Variants in ADGRL1 observed in about 807,000 individuals in gnomAD.
ADGRL1 encodes CIRL-1.
A neutral mutation model predicts 148.9 loss-of-function variants in ADGRL1; 31 were observed. That is an observed-to-expected ratio of 0.21 (90% CI 0.16 to 0.28). The LOEUF (loss-of-function observed/expected upper bound fraction) is 0.28, where lower values mean the gene tolerates loss of function less well. Ranked by LOEUF, ADGRL1 falls within the 10% of genes least tolerant of loss-of-function variation. ADGRL1 has a pLI of 1.00. For missense variants in ADGRL1, 1,521 were observed against 2,058.8 expected (o/e 0.74, Z 5.05); for synonymous variants, 937 against 900.3 (o/e 1.04, Z -0.73).
intron 1 of ADGRL1, among the ~76,000 whole-genome samples, chr19:14,204,746 CAGAG>C (rs3837936): frequency 8.3e-4 from 120 of 143,894 alleles, no homozygotes; most frequent in Admixed American, 2.1e-3. Flanking sequence ...GAGAGACAGA[CAGAG>C]AGAGAGAGAG....
rs1450779666 is a variant in ADGRL1 at position 14,184,645 on chromosome 19, TA to T, written c.-95-949del. ...TTATTTATTTATTTATTTATTTATT[TA>T]TTTTTTTTTCTGAGACGGAGTCGTG... On this transcript the variant is annotated intron_variant, in intron 1 of 22. Transcript: ENST00000361434. 7.2e-3 allele frequency among the ~76,000 whole-genome samples: 923 copies of T among 128,264 alleles called. 29 individuals carry two copies. Among genetic ancestry groups the T allele is most frequent in the African/African-American group, 0.031 (857 of 28,078 alleles). 84.1% of individuals were successfully genotyped at this position (128,264 alleles called of 152,430 possible). A position where few individuals can be genotyped will look rare whatever the true frequency, so the allele number is the denominator to read the frequency against.
intron 1 of ADGRL1, 43 bp from the exon 2 acceptor site, chr19:14,183,740 G>A: frequency 1.4e-6 from 1 of 723,338 alleles, no homozygotes; most frequent in Non-Finnish European, 2.2e-6. Flanking sequence ...AGGGCCTCCA[G>A]GCCGCTCCCC....
intron 1 of ADGRL1, among the ~76,000 whole-genome samples, 156 bp downstream of exon 1, chr19:14,205,829 C>T (rs1406528418): frequency 6.6e-6 from 1 of 151,640 alleles, no homozygotes; most frequent in Non-Finnish European, 1.5e-5. Context: ...CCCTCCCGCT[C>T]AGGTGCGGTG....
At chr19:14,186,426 C>G (rs1486044204) in intron 1 of ADGRL1, among the ~76,000 whole-genome samples, 1 of 152,166 alleles carries the variant, frequency 6.6e-6, no homozygotes, top group African/African-American at 2.4e-5. Context: ...TTGAATGAAT[C>G]TCAGATCCCA....
chr19:14,193,688 G>C, intron 1 of ADGRL1, among the ~76,000 whole-genome samples: 1 of 152,278 alleles, frequency 6.6e-6, no homozygotes, highest in African/African-American at 2.4e-5. Flanking sequence ...GTTAAAATGA[G>C]GTCATTAGTG....
chr19:14,193,271 C>CAAAAAAAAA (rs34844517), intron 1 of ADGRL1, among the ~76,000 whole-genome samples: 1 of 48,624 alleles, frequency 2.1e-5, no homozygotes, highest in African/African-American at 9.3e-5. Context: ...CCCCCACCGC[C>CAAAAAAAAA]AAAAAAAAAA....
In ADGRL1 at chr19:14,155,716, G is replaced by C; in HGVS notation, c.3126-189C>G. The C allele has an allele frequency of 1.7e-6, 1 of 604,332 alleles. No homozygotes were observed. Among genetic ancestry groups the C allele is most frequent in the Non-Finnish European group, 2.9e-6 (1 of 342,184 alleles). 37.4% of individuals were successfully genotyped at this position (604,332 alleles called of 1,614,324 possible). On this transcript the variant is annotated intron_variant, in intron 17 of 22. Transcript: ENST00000361434. The surrounding 1 kb of genome is among the most constrained non-coding windows in gnomAD (Gnocchi z 5.0). ...CACCTCCACCGGAGCCTGGGCCTGA[G>C]GGAAAGGTACTGGGTCAGGGGTCGG...
chr19:14,155,653 G>A lies in ADGRL1; in HGVS notation c.3126-126C>T, dbSNP rs985430461. ...GGGCACTGTCTGCAAAGCCCTGAGC[G>A]GGCCGAGTGGGCCTTGGGGGCAGTG... On this transcript the variant is annotated intron_variant, in intron 17 of 22. Transcript: ENST00000361434. This position sits in a 1 kb window ranked among gnomAD's most constrained non-coding sequence, Gnocchi z 5.0. 21 of 906,348 alleles carry A rather than the reference G, an allele frequency of 2.3e-5. No homozygotes were observed. The highest frequency in any genetic ancestry group is 8.0e-5 in the Admixed American group (3 of 37,360). The allele number at this position is 906,348 out of a possible 1,614,324, so 56.1% of individuals were successfully genotyped here. A position where few individuals can be genotyped will look rare whatever the true frequency, so the allele number is the denominator to read the frequency against.
intron 1 of ADGRL1, among the ~76,000 whole-genome samples, chr19:14,185,352 G>A (rs1971515911): frequency 6.6e-6 from 1 of 152,064 alleles, no homozygotes; most frequent in African/African-American, 2.4e-5. Context: ...GGAGTACAGT[G>A]GCACAATGAC....
chr19:14,191,563 A>C (rs1480404005), intron 1 of ADGRL1: 2 of 410,890 alleles, frequency 4.9e-6, no homozygotes, highest in African/African-American at 4.1e-5. Flanking sequence ...CTAGTTCTGG[A>C]GGCCAGAAGG....
chr19:14,163,124 C>A lies in ADGRL1; in HGVS notation c.677G>T (p.Arg226Leu). 1 of 1,614,016 alleles carries A rather than the reference C, an allele frequency of 6.2e-7. No homozygotes were observed. The highest frequency in any genetic ancestry group is 8.5e-7 in the Non-Finnish European group (1 of 1,180,020). ...GAVFYNKERT[R>L]NIVKYDLRTR... ...CCGTAGGTCATACTTGACGATGTTG[C>A]GCGTGCGCTCCTTGTTGTAGAAGAC... The change falls in exon 5 of 23, where the codon CGC becomes CTC. Residue 226 changes from arginine (R) to leucine (L), a missense_variant. By Grantham distance (102) the Arg-to-Leu change is moderately radical. This residue lies in a region of ADGRL1 where 334 missense variants were observed against 512.5 expected (regional missense o/e 0.65). Transcript: ENST00000361434.
At chr19:14,154,228 A>G (rs561352930) in intron 18 of ADGRL1, among the ~76,000 whole-genome samples, 1 of 152,272 alleles carries the variant, frequency 6.6e-6, no homozygotes, top group South Asian at 2.1e-4. Context: ...GAGCAGGGAC[A>G]CAGGCCACCT....
rs375913353 is a variant in ADGRL1 at position 14,161,440 on chromosome 19, C to A, written c.1382G>T (p.Arg461Leu). 6.8e-7 allele frequency: 1 copy of A among 1,479,094 alleles called. No individual in the cohort carries two copies. Among genetic ancestry groups the A allele is most frequent in the African/African-American group, 1.5e-5 (1 of 66,752 alleles). The allele number at this position is 1,479,094 out of a possible 1,614,324, so 91.6% of individuals were successfully genotyped here. The change falls in exon 6 of 23, where the codon CGG (arginine) becomes CTG (leucine). Residue 461 changes from arginine (R) to leucine (L), a missense_variant. Coordinates refer to ENST00000361434, the MANE Select transcript of ADGRL1 (RefSeq NM_014921.5). The surrounding 1 kb of genome is among the most constrained non-coding windows in gnomAD (Gnocchi z 4.4). ...PATAPVPSTR[R>L]PPAPNLHVSP... is the part of the protein sequence containing the mutation. ...CACGTGTAGATTCGGGGCTGGGGGC[C>A]GCCGGGTGCTGGGGACTGGGGCTGT...
In ADGRL1 at chr19:14,183,540, G is replaced by A. The variant is rs1230173683; in HGVS notation, c.63C>T (p.Ala21=). The part of the protein sequence containing the change: ...LCVTAVLVTS[A]TQGLSRAGLP... ...GGCCCCAGCAGCACCTACCTTGGGT[G>A]GCCGAGGTGACCAGGACGGCGGTGA... is the stretch of plus-strand genomic sequence containing the variant. The change falls in exon 2 of 23, where the codon GCC becomes GCT. Residue 21 remains alanine (A), a synonymous_variant. Transcript: ENST00000361434. 1 of 1,576,124 alleles carries A rather than the reference G, an allele frequency of 6.3e-7. No homozygotes were observed. Among genetic ancestry groups the A allele is most frequent in the Non-Finnish European group, 8.6e-7 (1 of 1,160,510 alleles).
In ADGRL1 at chr19:14,155,340, G is replaced by A. The variant is rs201323055; in HGVS notation, c.3294+19C>T. 3.7e-6 allele frequency: 6 copies of A among 1,611,672 alleles called. No homozygotes were observed. Among genetic ancestry groups the A allele is most frequent in the Non-Finnish European group, 5.1e-6 (6 of 1,178,500 alleles). ...GTCTCCAAGGGAGGCTGTGACCCAG[G>A]ACCCCGCCTCGACCTCACCTTCTTC... On this transcript the variant is annotated intron_variant, in intron 18 of 22. Coordinates refer to ENST00000361434, the MANE Select transcript of ADGRL1 (RefSeq NM_014921.5). This position sits in a 1 kb window ranked among gnomAD's most constrained non-coding sequence, Gnocchi z 5.0.
chr19:14,193,192 C>G (rs1358134374), intron 1 of ADGRL1, among the ~76,000 whole-genome samples: 1 of 151,530 alleles, frequency 6.6e-6, no homozygotes, highest in African/African-American at 2.4e-5. Flanking sequence ...TGGTGGGTGT[C>G]CCCCGGGAGA....
At chr19:14,184,765 G>A (rs1041890231) in intron 1 of ADGRL1, among the ~76,000 whole-genome samples, 1 of 151,302 alleles carries the variant, frequency 6.6e-6, no homozygotes, top group Admixed American at 6.6e-5. Flanking sequence ...TCAGCCTCCC[G>A]AGTAGCTGGG....
chr19:14,204,713 T>TGAGAGAGAGAGAGAGAGAGAGA (rs74181774), intron 1 of ADGRL1, among the ~76,000 whole-genome samples: 23 of 142,886 alleles, frequency 1.6e-4, no homozygotes, highest in African/African-American at 5.8e-4. Context: ...ACAGAGAGAG[T>TGAGAGAGAGAGAGAGAGAGAGA]GAGAGAGAGA....
Position 14,157,284 on chromosome 19 carries a change from G to T in ADGRL1, c.2712C>A (p.Leu904=), listed in dbSNP as rs144059709. 1 of 1,614,158 alleles carries T rather than the reference G, an allele frequency of 6.2e-7. No homozygotes were observed. The highest frequency in any genetic ancestry group is 1.3e-5 in the African/African-American group (1 of 75,048). Reference sequence around the variant, plus strand: ...GAGTCTTGTCGATCCCGACCAGGAAGAGCAGCTCAGCCAGGAAGAGGTTGA... The same window carrying T: ...GAGTCTTGTCGATCCCGACCAGGAATAGCAGCTCAGCCAGGAAGAGGTTGA... ...LCINLFLAEL[L]FLVGIDKTQY... The change falls in exon 14 of 23, where the codon CTC becomes CTA. Residue 904 remains leucine (L), a synonymous_variant. Coordinates refer to ENST00000361434, the MANE Select transcript of ADGRL1 (RefSeq NM_014921.5). This position sits in a 1 kb window ranked among gnomAD's most constrained non-coding sequence, Gnocchi z 7.5.
Sources: allele counts gnomAD v4.1 joint callset (sites outside exome capture counted in the v4.1 genomes callset), GRCh38; gene constraint gnomAD v4.1.1; regional missense constraint gnomAD v4.1.1; non-coding constraint Gnocchi (gnomAD v3.1); transcripts MANE v1.5; gene names NCBI Gene and HGNC (gene_info 2026-07-23, HGNC 2026-07-21).